Variants in TENM3 observed in about 807,000 individuals in gnomAD.
The protein encoded by TENM3 is teneurin-3.
Under a neutral mutation model 255.1 loss-of-function variants are expected in TENM3, and 63 were observed. The ratio of observed to expected loss-of-function variants is 0.25; its 90% confidence interval spans 0.20 to 0.30. TENM3 has a LOEUF of 0.30. Ranked by LOEUF, TENM3 falls within the 10% of genes least tolerant of loss-of-function variation. TENM3 has a pLI of 1.00. For missense variants in TENM3, 2,929 were observed against 3,461.1 expected (o/e 0.85, Z 3.86); for synonymous variants, 1,306 against 1,322.3 (o/e 0.99, Z 0.27).
the TENM3 span, among the ~76,000 whole-genome samples, chr4:181,998,126 C>T: frequency 6.6e-6 from 1 of 152,272 alleles, no homozygotes; most frequent in South Asian, 2.1e-4. Flanking sequence ...GTTTTCTTTT[C>T]TCATGAACAT....
chr4:182,386,534 T>C (rs1767930367), intron 3 of TENM3, among the ~76,000 whole-genome samples: 1 of 152,150 alleles, frequency 6.6e-6, no homozygotes, highest in South Asian at 2.1e-4. Flanking sequence ...TGGAGCCCGC[T>C]CCCTCAGCTT....
chr4:182,687,586 T>A (rs915485011), intron 11 of TENM3, among the ~76,000 whole-genome samples: 1 of 152,212 alleles, frequency 6.6e-6, no homozygotes, highest in Non-Finnish European at 1.5e-5. Context: ...ATTTACTGAA[T>A]AGGAAAAACA....
the TENM3 span, among the ~76,000 whole-genome samples, chr4:182,063,335 C>T: frequency 7.6e-4 from 115 of 152,292 alleles, no homozygotes; most frequent in African/African-American, 2.5e-3. Context: ...ATGGACCTAT[C>T]ATGAAACTCA....
chr4:181,573,537 T>G, the TENM3 span, among the ~76,000 whole-genome samples: 2 of 152,144 alleles, frequency 1.3e-5, no homozygotes, highest in Admixed American at 1.3e-4. Context: ...CTGTAAATCC[T>G]TGCTAAAAAG....
intron 5 of TENM3, chr4:182,631,478 C>T (rs1751367831): frequency 6.6e-6 from 1 of 152,132 alleles, no homozygotes; most frequent in Admixed American, 6.6e-5. Context: ...CATCAGTTCG[C>T]ATGGTAAATC....
chr4:181,923,825 A>G, the TENM3 span, among the ~76,000 whole-genome samples: 1 of 152,170 alleles, frequency 6.6e-6, no homozygotes, highest in Non-Finnish European at 1.5e-5. Context: ...AATAATTTTT[A>G]ATATATGGAG....
At chr4:182,558,441 C>A (rs1742794838) in intron 3 of TENM3, among the ~76,000 whole-genome samples, 3 of 152,094 alleles carry the variant, frequency 2.0e-5, no homozygotes. Flanking sequence ...TGTTCCTCAC[C>A]CGTTTCTGAC....
intron 3 of TENM3, among the ~76,000 whole-genome samples, chr4:182,453,590 T>C (rs924916258): frequency 2.0e-5 from 3 of 152,222 alleles, no homozygotes; most frequent in Admixed American, 2.0e-4. Context: ...TAGTCTTTTG[T>C]GGTTATATAT....
chr4:182,235,299 C>A (rs561950231), intron 1 of TENM3, among the ~76,000 whole-genome samples: 2 of 152,276 alleles, frequency 1.3e-5, no homozygotes, highest in African/African-American at 4.8e-5. Context: ...AAAATGTTCT[C>A]CAAGTCTGTG....
chr4:182,022,110 GT>G, the TENM3 span, among the ~76,000 whole-genome samples: 173 of 151,452 alleles, frequency 1.1e-3, 1 homozygote, highest in African/African-American at 4.2e-3. Flanking sequence ...CCACATGTTT[GT>G]TTGTTCACAA....
intron 17 of TENM3, among the ~76,000 whole-genome samples, chr4:182,737,390 TTTC>T (rs758610934): frequency 6.6e-6 from 1 of 152,206 alleles, no homozygotes; most frequent in Non-Finnish European, 1.5e-5. Flanking sequence ...CTTTTTCCAT[TTTC>T]TTCTTCTCTT....
chr4:182,280,980 G>A (rs1760344937), intron 1 of TENM3, among the ~76,000 whole-genome samples: 1 of 152,162 alleles, frequency 6.6e-6, no homozygotes, highest in African/African-American at 2.4e-5. Flanking sequence ...GTGGTTCTGG[G>A]AGAACACAGT....
At chr4:182,453,512 T>C (rs1773638853) in intron 3 of TENM3, among the ~76,000 whole-genome samples, 1 of 152,176 alleles carries the variant, frequency 6.6e-6, no homozygotes, top group South Asian at 2.1e-4. Flanking sequence ...GGTTTGTACA[T>C]TGAGGAGGCA....
At chr4:182,702,533 A>C (rs1480874455) in intron 12 of TENM3, among the ~76,000 whole-genome samples, 3 of 152,156 alleles carry the variant, frequency 2.0e-5, no homozygotes, top group African/African-American at 7.2e-5. Context: ...ATAATATTTA[A>C]TATGTATTGA....
chr4:181,455,572 A>T, the TENM3 span, among the ~76,000 whole-genome samples: 1 of 152,082 alleles, frequency 6.6e-6, no homozygotes, highest in Admixed American at 6.6e-5. Context: ...GAAACCAATC[A>T]TGTGAGCAAA....
At chr4:182,493,684 A>G (rs1055980733) in intron 3 of TENM3, among the ~76,000 whole-genome samples, 1 of 152,182 alleles carries the variant, frequency 6.6e-6, no homozygotes, top group East Asian at 1.9e-4. Context: ...TGAAGTCATT[A>G]AATACAGTTA....
In TENM3 at chr4:182,551,359, A is replaced by C. The variant is rs981351663; in HGVS notation, c.512-49565A>C. On this transcript the variant is annotated intron_variant, in intron 3 of 27. Coordinates refer to ENST00000511685, the MANE Select transcript of TENM3 (RefSeq NM_001080477.4). Reference sequence around the variant, plus strand: ...GACTTTGATTTTTAGGTCCATACCTAATGTTAGTCCATGTTAATAAACAGT... The same window carrying C: ...GACTTTGATTTTTAGGTCCATACCTCATGTTAGTCCATGTTAATAAACAGT... Among the ~76,000 whole-genome samples the C allele has an allele frequency of 5.3e-5, 8 of 152,170 alleles. 1 individual carries two copies. The highest frequency in any genetic ancestry group is 1.0e-4 in the Non-Finnish European group (7 of 68,028).
At chr4:182,618,935 C>G (rs1417827351) in intron 4 of TENM3, among the ~76,000 whole-genome samples, 1 of 147,720 alleles carries the variant, frequency 6.8e-6, no homozygotes, top group Non-Finnish European at 1.5e-5. Flanking sequence ...AACAGGTTGA[C>G]TACTCGGGGG....
chr4:182,533,043 T>C (rs1739930898), intron 3 of TENM3, among the ~76,000 whole-genome samples: 1 of 152,178 alleles, frequency 6.6e-6, no homozygotes, highest in Admixed American at 6.5e-5. Flanking sequence ...AGTCATATTA[T>C]TATGCCTCCC....
Sources: gnomAD v4.1 joint callset for allele counts (sites outside exome capture counted in the v4.1 genomes callset) on GRCh38, gnomAD v4.1.1 for gene constraint, MANE v1.5 for transcripts, NCBI Gene and HGNC (gene_info 2026-07-23, HGNC 2026-07-21) for gene names.